The following GALNT17 variants were observed in gnomAD, a reference collection of about 807,000 sequenced individuals.
GALNT17 encodes the protein UDP-GalNAc:polypeptide N-acetylgalactosaminyltransferase-like 3.
Under a neutral mutation model 63.7 loss-of-function variants are expected in GALNT17, and 29 were observed. That is an observed-to-expected ratio of 0.46 (90% CI 0.34 to 0.62). The LOEUF (loss-of-function observed/expected upper bound fraction) is 0.62, where lower values mean the gene tolerates loss of function less well. Ranked by LOEUF, GALNT17 falls within the 20% of genes least tolerant of loss-of-function variation. The pLI, the probability that GALNT17 is intolerant of heterozygous loss-of-function variation, is 0.01. For synonymous variants in GALNT17, 305 were observed against 318.3 expected (o/e 0.96, Z 0.45); for missense variants, 603 against 799.6 (o/e 0.75, Z 2.97).
intron 1 of GALNT17, among the ~76,000 whole-genome samples, chr7:71,208,638 G>A (rs568224366): frequency 6.6e-6 from 1 of 151,850 alleles, no homozygotes; most frequent in Admixed American, 6.6e-5. Flanking sequence ...TTTTGGTAGA[G>A]ATGAGATCTT....
At chr7:71,315,973 A>G (rs139767858) in intron 1 of GALNT17, among the ~76,000 whole-genome samples, 80 of 152,300 alleles carry the variant, frequency 5.3e-4, no homozygotes, top group African/African-American at 1.9e-3. Flanking sequence ...AGGTCTGTCA[A>G]CTACGGTGAG....
rs150357870 is a variant in GALNT17 at position 71,677,284 on chromosome 7, C to T, written c.1478C>T (p.Pro493Leu). 18 of 1,613,762 alleles carry T rather than the reference C, an allele frequency of 1.1e-5. No individual in the cohort carries two copies. The highest frequency in any genetic ancestry group is 2.2e-5 in the East Asian group (1 of 44,856). ...PLENHTAILY[P>L]CHGWGPQLAR... ...GAGAACCACACAGCAATATTGTATC[C>T]GTGCCATGGCTGGGGACCACAGGTA... The change falls in exon 9 of 11, where the codon CCG (proline) becomes CTG (leucine). Residue 493 changes from proline (P) to leucine (L), a missense_variant. Pro to Leu is a moderately conservative substitution (Grantham distance 98). Transcript: ENST00000333538.
intron 1 of GALNT17, among the ~76,000 whole-genome samples, chr7:71,143,764 G>A (rs1254465838): frequency 1.3e-5 from 2 of 152,118 alleles, no homozygotes; most frequent in Non-Finnish European, 2.9e-5. Flanking sequence ...GTAGGGCAGG[G>A]CACGGTGGCT....
At chr7:71,308,043 C>G (rs887521608) in intron 1 of GALNT17, among the ~76,000 whole-genome samples, 4 of 151,898 alleles carry the variant, frequency 2.6e-5, no homozygotes, top group Non-Finnish European at 5.9e-5. Flanking sequence ...TCATCCAATT[C>G]TGGGAAGTCT....
chr7:71,429,162 T>C (rs1786815249), intron 5 of GALNT17, among the ~76,000 whole-genome samples: 1 of 152,172 alleles, frequency 6.6e-6, no homozygotes, highest in African/African-American at 2.4e-5. Context: ...CGAAGAGCCC[T>C]GTTTTAACAC....
chr7:71,409,744 T>C (rs1454898849), intron 3 of GALNT17, among the ~76,000 whole-genome samples: 2 of 152,204 alleles, frequency 1.3e-5, no homozygotes, highest in Non-Finnish European at 1.5e-5. Context: ...TCAATTATGC[T>C]GAGACAGCAG....
At chr7:71,601,111 G>A (rs765281169) in intron 6 of GALNT17, among the ~76,000 whole-genome samples, 29 of 151,702 alleles carry the variant, frequency 1.9e-4, no homozygotes, top group African/African-American at 4.8e-4. Flanking sequence ...TTATGGCTGC[G>A]TAGTATTCCA....
intron 6 of GALNT17, among the ~76,000 whole-genome samples, chr7:71,621,178 A>G (rs1178295800): frequency 2.0e-5 from 3 of 152,012 alleles, no homozygotes; most frequent in African/African-American, 7.3e-5. Flanking sequence ...CAGCCTGAAC[A>G]ACTCTGCTAT....
chr7:71,232,924 A>G (rs1789819424), intron 1 of GALNT17, among the ~76,000 whole-genome samples: 2 of 152,192 alleles, frequency 1.3e-5, no homozygotes, highest in South Asian at 4.2e-4. Context: ...TCCAAAGTCC[A>G]GTCCCATCTC....
chr7:71,473,252 G>A (rs1787670880), intron 5 of GALNT17, among the ~76,000 whole-genome samples: 2 of 152,208 alleles, frequency 1.3e-5, no homozygotes, highest in African/African-American at 4.8e-5. Context: ...AAGCCTCCAG[G>A]TGGCAGGCTT....
chr7:71,193,882 G>A (rs543445281), intron 1 of GALNT17, among the ~76,000 whole-genome samples: 2 of 152,222 alleles, frequency 1.3e-5, no homozygotes, highest in East Asian at 3.9e-4. Flanking sequence ...TTAAAAACGG[G>A]AATGATGTTT....
chr7:71,240,282 A>G (rs1789970205), intron 1 of GALNT17, among the ~76,000 whole-genome samples: 1 of 152,090 alleles, frequency 6.6e-6, no homozygotes, highest in Non-Finnish European at 1.5e-5. Flanking sequence ...TTTTAATTTC[A>G]GTTTTTATTT....
At chr7:71,347,150 A>G (rs1324208580) in intron 2 of GALNT17, among the ~76,000 whole-genome samples, 2 of 152,110 alleles carry the variant, frequency 1.3e-5, no homozygotes, top group African/African-American at 4.8e-5. Flanking sequence ...TTATGGGTGA[A>G]TGTTCATCCC....
intron 6 of GALNT17, among the ~76,000 whole-genome samples, chr7:71,604,648 A>G (rs1355177386): frequency 6.6e-6 from 1 of 151,906 alleles, no homozygotes; most frequent in African/African-American, 2.4e-5. Flanking sequence ...AATTTATCTC[A>G]CTCAAGCTTT....
Position 71,416,035 on chromosome 7 carries a change from G to C in GALNT17, c.736G>C (p.Asp246His). ...TACCGGGCAGGTCACTGGCTTCTTT[G>C]ATGCCCACGTGGAATTCACCGCTGG... ...VATGQVTGFF[D>H]AHVEFTAGWA... The change falls in exon 4 of 11, where the codon GAT becomes CAT. Residue 246 changes from aspartate (D) to histidine (H), a missense_variant. By Grantham distance (81) the Asp-to-His change is moderately conservative. This residue lies in a region of GALNT17 where 336 missense variants were observed against 507.8 expected (regional missense o/e 0.66). Transcript: ENST00000333538. 1 of 1,613,228 alleles carries C rather than the reference G, an allele frequency of 6.2e-7. No homozygotes were observed. The highest frequency in any genetic ancestry group is 1.1e-5 in the South Asian group (1 of 90,888).
chr7:71,638,332 T>C (rs1360088643), intron 6 of GALNT17, among the ~76,000 whole-genome samples: 2 of 152,184 alleles, frequency 1.3e-5, no homozygotes, highest in Non-Finnish European at 2.9e-5. Context: ...ATCCTGTCAC[T>C]AAGAACACCT....
At chr7:71,452,966 TTC>T (rs1295616323) in intron 5 of GALNT17, among the ~76,000 whole-genome samples, 1 of 152,186 alleles carries the variant, frequency 6.6e-6, no homozygotes, top group Admixed American at 6.5e-5. Flanking sequence ...TGGCCTTAGA[TTC>T]TGTGTTGCTC....
At chr7:71,576,827 CA>C (rs1216104530) in intron 6 of GALNT17, among the ~76,000 whole-genome samples, 1 of 152,114 alleles carries the variant, frequency 6.6e-6, no homozygotes, top group Non-Finnish European at 1.5e-5. Flanking sequence ...TTCGGTCTCC[CA>C]AAGTACTAGG....
intron 1 of GALNT17, among the ~76,000 whole-genome samples, chr7:71,148,890 A>ATATATATG (rs1554333282): frequency 2.2e-5 from 3 of 133,474 alleles, no homozygotes; most frequent in East Asian, 2.1e-4. Context: ...ATATATATAT[A>ATATATATG]TATGTATACC....
Sources: gnomAD v4.1 joint callset for allele counts (sites outside exome capture counted in the v4.1 genomes callset) on GRCh38, gnomAD v4.1.1 for gene constraint, gnomAD v4.1.1 regional missense constraint, MANE v1.5 for transcripts, NCBI Gene and HGNC (gene_info 2026-07-23, HGNC 2026-07-21) for gene names.